IL2: variants seen among roughly 807,000 people sequenced by gnomAD.
The protein encoded by IL2 is interleukin-2.
A neutral mutation model predicts 14.6 loss-of-function variants in IL2; 3 were observed. That is an observed-to-expected ratio of 0.21 (90% CI 0.09 to 0.53). The LOEUF is 0.53. IL2 is among the 20% of genes least tolerant of loss of function. IL2 has a pLI of 0.95. For missense variants in IL2, 125 were observed against 170.8 expected, an observed-to-expected ratio of 0.73 and a Z score of 1.50; for synonymous variants, 71 against 60.0, an observed-to-expected ratio of 1.18 and a Z score of -0.85.
At chr4:122,452,267 C>A (rs1332777531) in intron 3 of IL2, among the ~76,000 whole-genome samples, 2 of 151,842 alleles carry the variant, frequency 1.3e-5, no homozygotes, top group Non-Finnish European at 2.9e-5. Context: ...ATTATACTTT[C>A]TTCTTTTCTA....
At chr4:122,455,370 A>G (rs1797719335) in intron 2 of IL2, among the ~76,000 whole-genome samples, 1 of 151,854 alleles carries the variant, frequency 6.6e-6, no homozygotes, top group Admixed American at 6.6e-5. Context: ...CAACCTAATG[A>G]AGCTTTTAAT....
intron 2 of IL2, 63 bp from the exon 3 acceptor site, chr4:122,453,916 A>G (rs1377053764): frequency 7.0e-7 from 1 of 1,423,178 alleles, no homozygotes; most frequent in African/African-American, 1.4e-5. Flanking sequence ...TTAATTTCCA[A>G]TTTATTTTAT....
chr4:122,452,364 C>T (rs1025856631), intron 3 of IL2, among the ~76,000 whole-genome samples: 2 of 152,020 alleles, frequency 1.3e-5, no homozygotes, highest in African/African-American at 2.4e-5. Flanking sequence ...CTAGAGTAAG[C>T]TAGGACATGC....
At chr4:122,455,782 G>A (rs1797724020) in intron 2 of IL2, among the ~76,000 whole-genome samples, 1 of 151,880 alleles carries the variant, frequency 6.6e-6, no homozygotes, top group African/African-American at 2.4e-5. Flanking sequence ...ATTTTTAAAA[G>A]TGGGCTCCTT....
rs1797726972 is a variant in IL2, at chr4:122,456,034, T to G, written c.207+110A>C. 10 of 742,268 alleles carry G rather than the reference T, an allele frequency of 1.3e-5. No homozygotes were observed. The South Asian group carries it at 1.7e-4, about 13-fold the overall frequency. 46.0% of individuals were successfully genotyped at this position (742,268 alleles called of 1,614,324 possible). A position where few individuals can be genotyped will look rare whatever the true frequency, so the allele number is the denominator to read the frequency against. ...AACTTGGGTTTTCAAAAAAACAAAT[T>G]AAAGTTACTCTTTACCTCAGATGAG... On this transcript the variant is annotated intron_variant, in intron 2 of 3. Transcript: ENST00000226730.
chr4:122,454,979 C>T (rs1021406323), intron 2 of IL2, among the ~76,000 whole-genome samples: 7 of 151,598 alleles, frequency 4.6e-5, no homozygotes, highest in African/African-American at 1.5e-4. Context: ...TCTACAAATT[C>T]GGGTTTAAGT....
In IL2 at chr4:122,451,744, C is replaced by T. The variant is rs750932763; in HGVS notation, c.*8G>A. 6 of 1,316,594 alleles carry T rather than the reference C, an allele frequency of 4.6e-6. No homozygotes were observed. Among genetic ancestry groups the T allele is most frequent in the Non-Finnish European group, 6.2e-6 (6 of 961,416 alleles). The allele number at this position is 1,316,594 out of a possible 1,614,324, so 81.6% of individuals were successfully genotyped here. On this transcript the variant is annotated 3_prime_UTR_variant, in exon 4 of 4. Transcript: ENST00000226730. ...CCTGATATGTTTTAAGTGGGAAGCA[C>T]TTAATTATCAAGTCAGTGTTGAGAT...
chr4:122,454,290 C>A (rs1442545998), intron 2 of IL2, among the ~76,000 whole-genome samples: 1 of 151,838 alleles, frequency 6.6e-6, no homozygotes, highest in Non-Finnish European at 1.5e-5. Context: ...TGGATGCCAT[C>A]TATCACAATC....
intron 3 of IL2, among the ~76,000 whole-genome samples, chr4:122,452,946 A>G (rs1383907517): frequency 1.3e-5 from 2 of 151,888 alleles, no homozygotes; most frequent in South Asian, 2.1e-4. Context: ...ATTGATCTCA[A>G]TGTATTTTTT....
chr4:122,451,950 G>A (rs917958922), intron 3 of IL2, 88 bp from the exon 4 acceptor site: 24 of 456,556 alleles, frequency 5.3e-5, no homozygotes, highest in African/African-American at 4.7e-4. Context: ...TAGGCCTGTT[G>A]CCTTTATTTT....
intron 2 of IL2, among the ~76,000 whole-genome samples, chr4:122,455,746 A>G (rs1797723571): frequency 6.6e-6 from 1 of 151,946 alleles, no homozygotes; most frequent in African/African-American, 2.4e-5. Context: ...CCTCTCACTT[A>G]GAAACCTTTC....
chr4:122,453,852 G>T lies in IL2; in HGVS notation c.209C>A (p.Ala70Asp). ...LTFKFYMPKK[A>D]TELKHLQCLE... ...ACACTGAAGATGTTTCAGTTCTGTG[G>T]CCTAGAATAATAATTATCATCAGCT... Residue 70 changes from alanine to aspartate, a missense_variant and splice_region_variant, in exon 3 of 4, where the codon GCC becomes GAC. Transcript: ENST00000226730. 1 of 1,602,284 alleles carries T rather than the reference G, an allele frequency of 6.2e-7. No homozygotes were observed. Among genetic ancestry groups the T allele is most frequent in the Non-Finnish European group, 8.5e-7 (1 of 1,175,404 alleles).
chr4:122,456,114 CAG>C lies in IL2; in HGVS notation c.207+28_207+29del, dbSNP rs762301718. ...CATATTACTTTGAATTTTATTAAAA[CAG>C]AAATTGAACATAAAATATTGTACTT... On this transcript the variant is annotated intron_variant, in intron 2 of 3. Transcript: ENST00000226730. The C allele has an allele frequency of 1.7e-5, 26 of 1,495,238 alleles. No individual in the cohort carries two copies. In the Admixed American group the frequency reaches 2.0e-4, roughly 12 times the overall value. The allele number at this position is 1,495,238 out of a possible 1,614,324, so 92.6% of individuals were successfully genotyped here.
chr4:122,456,502 C>A lies in IL2; in HGVS notation c.-62G>T. 1.5e-6 allele frequency: 2 copies of A among 1,296,858 alleles called. No individual in the cohort carries two copies. Among genetic ancestry groups the A allele is most frequent in the South Asian group, 1.5e-5 (1 of 67,612 alleles). The allele number at this position is 1,296,858 out of a possible 1,614,324, so 80.3% of individuals were successfully genotyped here. On this transcript the variant is annotated 5_prime_UTR_variant, in exon 1 of 4. Transcript: ENST00000226730. ...AAGAGAGTGATAGGGAACTCTTGAA[C>A]AAGAGATGCAATTTATACTGTTAAT...
rs1381450047 is a variant in IL2, at chr4:122,456,469, A to G, written c.-29T>C. ...GGCAGGAGTTGAGGTTACTGTGAGTAGTGATTAAAGAGAGTGATAGGGAAC... is the reference window on the plus strand; with the variant it reads ...GGCAGGAGTTGAGGTTACTGTGAGTGGTGATTAAAGAGAGTGATAGGGAAC... On this transcript the variant is annotated 5_prime_UTR_variant, in exon 1 of 4. Transcript: ENST00000226730. The G allele has an allele frequency of 6.4e-7, 1 of 1,572,536 alleles. No individual in the cohort carries two copies. The highest frequency in any genetic ancestry group is 8.7e-7 in the Non-Finnish European group (1 of 1,153,938).
Position 122,451,719 on chromosome 4 carries a change from C to T in IL2, c.*33G>A. On this transcript the variant is annotated 3_prime_UTR_variant, in exon 4 of 4. Transcript: ENST00000226730. ...TTTAAATATTTAAATAAATAGAAGG[C>T]CTGATATGTTTTAAGTGGGAAGCAC... 2.5e-6 allele frequency: 2 copies of T among 803,124 alleles called. No homozygotes were observed. Among genetic ancestry groups the T allele is most frequent in the South Asian group, 2.5e-5 (1 of 39,452 alleles). The allele number at this position is 803,124 out of a possible 1,614,324, so 49.7% of individuals were successfully genotyped here.
In IL2 at chr4:122,451,808, C is replaced by T; in HGVS notation, c.406G>A (p.Glu136Lys). The T allele has an allele frequency of 6.3e-7, 1 of 1,596,004 alleles. No individual in the cohort carries two copies. The highest frequency in any genetic ancestry group is 8.5e-7 in the Non-Finnish European group (1 of 1,169,916). The change falls in exon 4 of 4, where the codon GAA becomes AAA. Residue 136 changes from glutamate (E) to lysine (K), a missense_variant. Transcript: ENST00000226730. Reference protein sequence around the residue: ...EYADETATIVEFLNRWITFCQ... With the variant: ...EYADETATIVKFLNRWITFCQ... The stretch of plus-strand genomic sequence containing the variant: ...AAGGTAATCCATCTGTTCAGAAATT[C>T]TACAATGGTTGCTGTCTCATCAGCA...
At chr4:122,454,601 G>C (rs1272451393) in intron 2 of IL2, among the ~76,000 whole-genome samples, 1 of 151,726 alleles carries the variant, frequency 6.6e-6, no homozygotes, top group Non-Finnish European at 1.5e-5. Flanking sequence ...TTTGAAGTAG[G>C]CAGTGAAGTA....
At chr4:122,452,706 A>G (rs1797688697) in intron 3 of IL2, among the ~76,000 whole-genome samples, 1 of 151,992 alleles carries the variant, frequency 6.6e-6, no homozygotes, top group Non-Finnish European at 1.5e-5. Flanking sequence ...CTTTTAAAAA[A>G]CTGTTGCAGT....
Sources: allele counts gnomAD v4.1 joint callset (sites outside exome capture counted in the v4.1 genomes callset), GRCh38; gene constraint gnomAD v4.1.1; transcripts MANE v1.5; gene names NCBI Gene and HGNC (gene_info 2026-07-23, HGNC 2026-07-21).